The following CKAP5 variants were observed in gnomAD, a reference collection of about 807,000 sequenced individuals.
The protein encoded by CKAP5 is cytoskeleton-associated protein 5.
Under a neutral mutation model 232.8 loss-of-function variants are expected in CKAP5, and 27 were observed. The ratio of observed to expected loss-of-function variants is 0.12; its 90% CI spans 0.09 to 0.16. CKAP5 has a LOEUF of 0.16. Among genes scored for constraint, CKAP5 ranks in the 10% least tolerant of loss-of-function variants. The probability of loss-of-function intolerance (pLI) is 1.00; values close to 1 mark genes in which losing one functional copy is unlikely to be tolerated. For synonymous variants in CKAP5, 785 were observed against 841.1 expected (o/e 0.93, Z 1.16); for missense variants, 1,838 against 2,424.7 (o/e 0.76, Z 5.08).
At chr11:46,788,423 A>T (rs11038992) in intron 16 of CKAP5, among the ~76,000 whole-genome samples, 4,640 of 152,256 alleles carry the variant, frequency 0.03, 242 homozygotes, top group African/African-American at 0.1. Context: ...AAAAATACAA[A>T]ATTAGCCGGG....
At chr11:46,798,736 T>C (rs1938957245) in intron 9 of CKAP5, among the ~76,000 whole-genome samples, 1 of 152,068 alleles carries the variant, frequency 6.6e-6, no homozygotes, top group Non-Finnish European at 1.5e-5. Context: ...AGGGGTTTCT[T>C]TTTGGGGTGA....
At chr11:46,841,650 C>T (rs1290985670) in intron 1 of CKAP5, among the ~76,000 whole-genome samples, 4 of 152,056 alleles carry the variant, frequency 2.6e-5, no homozygotes, top group Admixed American at 6.5e-5. Context: ...GAGATGGATC[C>T]AACTGCCTGG....
chr11:46,749,195 C>T lies in CKAP5; in HGVS notation c.5704+1079G>A, dbSNP rs373835395. ...TGAGGCTGGGCATGGTGACTCAAGC[C>T]TGTAATCCCAGCACTTTGGGAGGCC... is the stretch of plus-strand genomic sequence containing the variant. On this transcript the variant is annotated intron_variant, in intron 42 of 43. Coordinates refer to ENST00000529230, the MANE Select transcript of CKAP5 (RefSeq NM_001008938.4). Among the ~76,000 whole-genome samples, 202 of 152,112 alleles carry T rather than the reference C, an allele frequency of 1.3e-3. 4 individuals carry two copies. The South Asian group carries it at 0.04, about 30-fold the overall frequency.
At chr11:46,799,175 A>G (rs1224106326) in intron 9 of CKAP5, among the ~76,000 whole-genome samples, 1 of 151,220 alleles carries the variant, frequency 6.6e-6, no homozygotes, top group Admixed American at 6.6e-5. Flanking sequence ...TTTTTTTTTT[A>G]ATTCTTAATT....
chr11:46,805,016 A>C (rs1445395046), intron 8 of CKAP5, among the ~76,000 whole-genome samples: 2 of 151,448 alleles, frequency 1.3e-5, no homozygotes, highest in Non-Finnish European at 2.9e-5. Context: ...CAGGCAAATC[A>C]CTTGAGGACA....
intron 27 of CKAP5, among the ~76,000 whole-genome samples, chr11:46,766,982 A>T (rs1171328131): frequency 1.3e-5 from 2 of 152,084 alleles, no homozygotes. Flanking sequence ...CTTAAATCCA[A>T]ATCAGCCTAA....
intron 42 of CKAP5, among the ~76,000 whole-genome samples, chr11:46,749,781 C>G (rs575755205): frequency 1.4e-4 from 22 of 151,846 alleles, no homozygotes; most frequent in Middle Eastern, 3.4e-3. Flanking sequence ...GAAACCCCGT[C>G]TTTACTAAAA....
At position 46,837,634 on chromosome 11, in the gene CKAP5, A is replaced by C. The variant is rs995455993; in HGVS notation, c.-38+8586T>G. On this transcript the variant is annotated intron_variant, in intron 1 of 43. Coordinates refer to ENST00000529230, the MANE Select transcript of CKAP5 (RefSeq NM_001008938.4). ...CACAAGATGAGCCTGGAACATTTCC[A>C]GATAGTAAGGAAGTACTCAAAGATC... Among the ~76,000 whole-genome samples, 15 of 152,292 alleles carry C rather than the reference A, an allele frequency of 9.8e-5. No homozygotes were observed. The Middle Eastern group carries it at 0.01, about 104-fold the overall frequency.
intron 42 of CKAP5, 68 bp from the exon 43 acceptor site, chr11:46,744,645 A>G: frequency 7.1e-7 from 1 of 1,402,922 alleles, no homozygotes; most frequent in East Asian, 2.3e-5. Context: ...GCCTTGGTTA[A>G]TCTCCCACCA....
At chr11:46,768,962 C>T (rs1192029521) in intron 26 of CKAP5, among the ~76,000 whole-genome samples, 1 of 152,096 alleles carries the variant, frequency 6.6e-6, no homozygotes, top group Non-Finnish European at 1.5e-5. Flanking sequence ...CTCTGTCCCC[C>T]AGGCTGGAGT....
At chr11:46,772,279 T>A (rs2065254456) in intron 24 of CKAP5, among the ~76,000 whole-genome samples, 1 of 151,378 alleles carries the variant, frequency 6.6e-6, no homozygotes, top group African/African-American at 2.4e-5. Context: ...TTTCATGTGG[T>A]TTTTTTTGCA....
In CKAP5 at chr11:46,810,963, A is replaced by G. The variant is rs762567492; in HGVS notation, c.630+44T>C. The stretch of plus-strand genomic sequence containing the variant: ...ACAACGATAGGAAGAAAATATTTTC[A>G]TATTAACCTTGTGCGAAAGCAACCA... On this transcript the variant is annotated intron_variant, in intron 5 of 43. Transcript: ENST00000529230. The G allele has an allele frequency of 1.1e-5, 16 of 1,482,646 alleles. No homozygotes were observed. The East Asian group carries it at 2.4e-4, about 22-fold the overall frequency. 91.8% of individuals were successfully genotyped at this position (1,482,646 alleles called of 1,614,324 possible). A position where few individuals can be genotyped will look rare whatever the true frequency, so the allele number is the denominator to read the frequency against.
chr11:46,762,546 T>A (rs781383833), intron 31 of CKAP5, 81 bp downstream of exon 31: 1 of 1,539,248 alleles, frequency 6.5e-7, no homozygotes, highest in Admixed American at 1.7e-5. Context: ...CTGGAGAAAT[T>A]TATTTGTTCA....
chr11:46,787,700 G>GA (rs1298530187), intron 16 of CKAP5, among the ~76,000 whole-genome samples: 1 of 151,826 alleles, frequency 6.6e-6, no homozygotes, highest in Non-Finnish European at 1.5e-5. Context: ...AAAATGAGAA[G>GA]AAAAAAATGT....
intron 4 of CKAP5, 34 bp from the exon 5 acceptor site, chr11:46,811,212 G>A (rs1403895663): frequency 1.0e-5 from 16 of 1,541,088 alleles, no homozygotes; most frequent in East Asian, 4.5e-5. Flanking sequence ...AACTGTCAAC[G>A]TGCAATGCAA....
At chr11:46,755,803 C>A (rs548379787) in intron 35 of CKAP5, among the ~76,000 whole-genome samples, 1 of 152,004 alleles carries the variant, frequency 6.6e-6, no homozygotes, top group East Asian at 2.0e-4. Flanking sequence ...GTGGTAGGCA[C>A]CTGTAATCTC....
chr11:46,842,899 G>A (rs1294660413), intron 1 of CKAP5, among the ~76,000 whole-genome samples: 3 of 150,226 alleles, frequency 2.0e-5, no homozygotes, highest in African/African-American at 7.4e-5. Context: ...CCTGGGAGGC[G>A]GAGCTTGCAG....
chr11:46,773,842 C>G (rs1159059346), intron 24 of CKAP5, among the ~76,000 whole-genome samples: 2 of 152,130 alleles, frequency 1.3e-5, no homozygotes, highest in Non-Finnish European at 2.9e-5. Context: ...TGCACCCAGC[C>G]TCTATTTTTA....
intron 30 of CKAP5, 91 bp downstream of exon 30, chr11:46,762,885 A>C (rs1382052606): frequency 1.4e-6 from 2 of 1,445,528 alleles, no homozygotes; most frequent in Admixed American, 1.8e-5. Context: ...ACCGTGATAT[A>C]ATCAGTAAAA....
Sources: gnomAD v4.1 joint callset for allele counts (sites outside exome capture counted in the v4.1 genomes callset) on GRCh38, gnomAD v4.1.1 for gene constraint, MANE v1.5 for transcripts, NCBI Gene and HGNC (gene_info 2026-07-23, HGNC 2026-07-21) for gene names.